The following SPOCK1 variants were observed in gnomAD, a reference collection of about 807,000 sequenced individuals.
SPOCK1 encodes the protein testican-1.
Under a neutral mutation model 55.3 loss-of-function variants are expected in SPOCK1, and 23 were observed. The observed-to-expected ratio is 0.42, with a 90% CI of 0.30 to 0.59. The LOEUF (loss-of-function observed/expected upper bound fraction) is 0.59. SPOCK1 is among the 20% of genes least tolerant of loss of function. SPOCK1 has a pLI of 0.22. For missense variants in SPOCK1, 499 were observed against 552.5 expected (o/e 0.90, Z 0.97); for synonymous variants, 226 against 221.0 (o/e 1.02, Z -0.20).
rs1374046044 is a variant in SPOCK1, at chr5:137,112,531, G to A, written c.378C>T (p.His126=). The change falls in exon 5 of 11, where the codon CAC becomes CAT. Residue 126 remains histidine (H), a synonymous_variant. Coordinates refer to ENST00000394945, the MANE Select transcript of SPOCK1 (RefSeq NM_004598.4). Reference sequence around the variant, plus strand: ...TGACCAAATTCGAAGGTCCAACCCAGTGTTTCTGGGCCACGTTCCCCTTCT... The same window carrying A: ...TGACCAAATTCGAAGGTCCAACCCAATGTTTCTGGGCCACGTTCCCCTTCT... ...RQKKGNVAQK[H]WVGPSNLVKC... 2.5e-6 allele frequency: 4 copies of A among 1,613,588 alleles called. No individual in the cohort carries two copies. Among genetic ancestry groups the A allele is most frequent in the Non-Finnish European group, 3.4e-6 (4 of 1,179,946 alleles).
chr5:137,010,616 C>T (rs1004169083), intron 6 of SPOCK1, among the ~76,000 whole-genome samples: 1 of 152,150 alleles, frequency 6.6e-6, no homozygotes, highest in African/African-American at 2.4e-5. Context: ...CCAGTTCCCT[C>T]ACCAGCACAC....
chr5:137,207,069 G>A (rs892898831), intron 3 of SPOCK1, among the ~76,000 whole-genome samples: 22 of 152,228 alleles, frequency 1.4e-4, no homozygotes, highest in Non-Finnish European at 2.9e-5. Flanking sequence ...ATATATAAAA[G>A]TGCAGTCCTT....
intron 3 of SPOCK1, among the ~76,000 whole-genome samples, chr5:137,185,980 C>T (rs1289058244): frequency 1.3e-5 from 2 of 152,180 alleles, no homozygotes; most frequent in African/African-American, 4.8e-5. Flanking sequence ...GGAAAGGCAG[C>T]GTATCGAAAC....
intron 2 of SPOCK1, among the ~76,000 whole-genome samples, chr5:137,367,021 A>C (rs1561516805): frequency 6.6e-6 from 1 of 152,266 alleles, no homozygotes; most frequent in Non-Finnish European, 1.5e-5. Flanking sequence ...CAACTGAGTC[A>C]AATGGCAGTG....
At chr5:137,272,757 C>T (rs1327298500) in intron 2 of SPOCK1, among the ~76,000 whole-genome samples, 1 of 124,326 alleles carries the variant, frequency 8.0e-6, no homozygotes, top group Non-Finnish European at 1.6e-5. Context: ...CCAACACACA[C>T]ACGGGCCTAG....
rs1449213819 is a variant in SPOCK1 at position 137,048,747 on chromosome 5, A to T, written c.589+18968T>A. Among the ~76,000 whole-genome samples, 290 of 107,888 alleles carry T rather than the reference A, an allele frequency of 2.7e-3. 1 individual carries two copies. The highest frequency in any genetic ancestry group is 4.0e-3 in the Non-Finnish European group (213 of 53,620). 70.8% of individuals were successfully genotyped at this position (107,888 alleles called of 152,430 possible). On this transcript the variant is annotated intron_variant, in intron 6 of 10. Coordinates refer to ENST00000394945, the MANE Select transcript of SPOCK1 (RefSeq NM_004598.4). ...TTTCTTCCTAGTCTCGATGGTCTTT[A>T]CATTTTGGCATGATTTTGCAGCGGC...
At chr5:137,362,839 T>C (rs954174400) in intron 2 of SPOCK1, among the ~76,000 whole-genome samples, 12 of 152,188 alleles carry the variant, frequency 7.9e-5, no homozygotes, top group Non-Finnish European at 1.0e-4. Flanking sequence ...TGGCTTAACA[T>C]GGGCAGGCAT....
chr5:137,218,957 G>C (rs1755771423), intron 3 of SPOCK1, among the ~76,000 whole-genome samples: 1 of 152,206 alleles, frequency 6.6e-6, no homozygotes, highest in African/African-American at 2.4e-5. Flanking sequence ...AAGTGGGACA[G>C]ACAAAATGCA....
chr5:137,387,885 A>G (rs540055226), intron 2 of SPOCK1, among the ~76,000 whole-genome samples: 287 of 152,320 alleles, frequency 1.9e-3, no homozygotes, highest in African/African-American at 6.3e-3. Context: ...AAGTATATTT[A>G]ACAAATAAAA....
chr5:137,083,792 C>T lies in SPOCK1; in HGVS notation c.475-15963G>A, dbSNP rs78519963. ...CAGCCTATGGAGGGAATGGGCATTC[C>T]TAAAGCCTTGAGCTTGGGGAAGTTT... On this transcript the variant is annotated intron_variant, in intron 5 of 10. Coordinates refer to ENST00000394945, the MANE Select transcript of SPOCK1 (RefSeq NM_004598.4). Among the ~76,000 whole-genome samples, 2,515 of 152,052 alleles carry T rather than the reference C, an allele frequency of 0.017. 154 individuals carry two copies. In the East Asian group the frequency reaches 0.23, roughly 14 times the overall value.
chr5:137,211,925 C>T (rs1416870359), intron 3 of SPOCK1, among the ~76,000 whole-genome samples: 2 of 152,156 alleles, frequency 1.3e-5, no homozygotes, highest in African/African-American at 4.8e-5. Flanking sequence ...TTCATCTGTA[C>T]CCTTTGTAAT....
chr5:137,412,633 A>C (rs965443679), intron 2 of SPOCK1, among the ~76,000 whole-genome samples: 1 of 152,224 alleles, frequency 6.6e-6, no homozygotes, highest in African/African-American at 2.4e-5. Flanking sequence ...GCAGTCCCTC[A>C]GACAGAAAGA....
At chr5:137,160,546 TA>T (rs1241063958) in intron 3 of SPOCK1, among the ~76,000 whole-genome samples, 1 of 49,298 alleles carries the variant, frequency 2.0e-5, no homozygotes, top group Admixed American at 3.4e-4. Flanking sequence ...ATATAATATA[TA>T]TAATATATAT....
rs534053543 is a variant in SPOCK1 at position 136,984,006 on chromosome 5, C to T, written c.991+1134G>A. ...CTACCTGCAGATCATAGGTACGTCA[C>T]TCAAAATAATATCCCACATGGAGAA... On this transcript the variant is annotated intron_variant, in intron 9 of 10. Transcript: ENST00000394945. Among the ~76,000 whole-genome samples, 3 of 152,088 alleles carry T rather than the reference C, an allele frequency of 2.0e-5. No homozygotes were observed. The South Asian group carries it at 6.2e-4, about 32-fold the overall frequency.
At chr5:137,104,501 C>T (rs182982604) in intron 5 of SPOCK1, among the ~76,000 whole-genome samples, 2 of 152,338 alleles carry the variant, frequency 1.3e-5, no homozygotes, top group Non-Finnish European at 2.9e-5. Flanking sequence ...TGCCTTATCG[C>T]AGGGTCCCCA....
At chr5:137,180,721 G>T (rs1754954668) in intron 3 of SPOCK1, among the ~76,000 whole-genome samples, 1 of 152,166 alleles carries the variant, frequency 6.6e-6, no homozygotes. Flanking sequence ...TCAGGTCAGA[G>T]CTGTGAGGAG....
In SPOCK1 at chr5:137,210,628, T is replaced by TGAAGGTGA. The variant is rs1755593157; in HGVS notation, c.232+56374_232+56381dup. On this transcript the variant is annotated intron_variant, in intron 3 of 10. Coordinates refer to ENST00000394945, the MANE Select transcript of SPOCK1 (RefSeq NM_004598.4). ...TGGGACTAGGGGGCATCTGGAGAGG[T>TGAAGGTGA]GAAGGTGAGCCTTTTCCAGTAAGTC... is the stretch of plus-strand genomic sequence containing the variant. Among the ~76,000 whole-genome samples the TGAAGGTGA allele has an allele frequency of 2.0e-5, 3 of 152,042 alleles. No homozygotes were observed. The South Asian group carries it at 6.2e-4, about 32-fold the overall frequency.
intron 2 of SPOCK1, among the ~76,000 whole-genome samples, chr5:137,408,777 A>G (rs1752151677): frequency 1.3e-5 from 2 of 152,224 alleles, no homozygotes; most frequent in South Asian, 4.1e-4. Context: ...AATCAGAATA[A>G]GATGTCAAGG....
intron 5 of SPOCK1, among the ~76,000 whole-genome samples, chr5:137,092,881 T>C (rs1259433838): frequency 6.6e-6 from 1 of 152,084 alleles, no homozygotes; most frequent in Non-Finnish European, 1.5e-5. Context: ...AAGTCCTGGG[T>C]TGAGGGGGCT....
Sources: allele counts gnomAD v4.1 joint callset (sites outside exome capture counted in the v4.1 genomes callset), GRCh38; gene constraint gnomAD v4.1.1; transcripts MANE v1.5; gene names NCBI Gene and HGNC (gene_info 2026-07-23, HGNC 2026-07-21).